The following KCNIP4 variants were observed in gnomAD, a reference collection of about 807,000 sequenced individuals.
KCNIP4 encodes Kv channel-interacting protein 4.
Under a neutral mutation model 34.0 loss-of-function variants are expected in KCNIP4, and 12 were observed. The ratio of observed to expected loss-of-function variants is 0.35; its 90% CI spans 0.23 to 0.57. The LOEUF is 0.57. KCNIP4 is among the 20% of genes least tolerant of loss of function. The pLI, the probability that KCNIP4 is intolerant of heterozygous loss-of-function variation, is 0.83. For synonymous variants in KCNIP4, 124 were observed against 102.2 expected (o/e 1.21, Z -1.29); for missense variants, 238 against 311.7 (o/e 0.76, Z 1.78).
intron 1 of KCNIP4, among the ~76,000 whole-genome samples, chr4:21,725,589 G>A (rs1211631510): frequency 6.6e-6 from 1 of 152,086 alleles, no homozygotes; most frequent in African/African-American, 2.4e-5. Flanking sequence ...ATAAGGCCCT[G>A]TAATCTTTGC....
At chr4:21,267,509 T>C (rs895559385) in intron 1 of KCNIP4, among the ~76,000 whole-genome samples, 12 of 151,470 alleles carry the variant, frequency 7.9e-5, no homozygotes, top group African/African-American at 2.9e-4. Flanking sequence ...TCTTATTATT[T>C]TGAGATACGT....
At chr4:21,182,713 T>C (rs370192309) in intron 1 of KCNIP4, among the ~76,000 whole-genome samples, 1 of 152,052 alleles carries the variant, frequency 6.6e-6, no homozygotes, top group African/African-American at 2.4e-5. Flanking sequence ...ATCTATTCCA[T>C]ATTATCTTCT....
chr4:21,538,903 C>A (rs879917067), intron 1 of KCNIP4, among the ~76,000 whole-genome samples: 6 of 152,156 alleles, frequency 3.9e-5, no homozygotes, highest in Non-Finnish European at 8.8e-5. Flanking sequence ...CAAATCTCAT[C>A]TCAAATTGTA....
At chr4:21,010,939 T>C (rs1450609357) in intron 1 of KCNIP4, among the ~76,000 whole-genome samples, 8 of 152,192 alleles carry the variant, frequency 5.3e-5, no homozygotes, top group Non-Finnish European at 1.5e-5. Flanking sequence ...TTCAAGTGAA[T>C]TTGCGTTGGA....
chr4:21,201,736 A>G (rs1401419918), intron 1 of KCNIP4, among the ~76,000 whole-genome samples: 1 of 152,108 alleles, frequency 6.6e-6, no homozygotes, highest in East Asian at 1.9e-4. Flanking sequence ...CTGACCTCAT[A>G]ATCCACTCAC....
intron 1 of KCNIP4, among the ~76,000 whole-genome samples, chr4:21,472,480 A>T (rs1229722717): frequency 1.3e-5 from 2 of 152,064 alleles, no homozygotes; most frequent in Non-Finnish European, 2.9e-5. Flanking sequence ...TCATTACCTT[A>T]ATCAGTGCAT....
At chr4:21,080,155 G>A (rs189752750) in intron 1 of KCNIP4, among the ~76,000 whole-genome samples, 2 of 151,720 alleles carry the variant, frequency 1.3e-5, no homozygotes, top group South Asian at 2.1e-4. Context: ...GACCCAGCCT[G>A]GCCAGAGATA....
At chr4:21,234,276 TTA>T (rs1553841573) in intron 1 of KCNIP4, among the ~76,000 whole-genome samples, 1 of 83,802 alleles carries the variant, frequency 1.2e-5, no homozygotes, top group Non-Finnish European at 1.9e-5. Flanking sequence ...ATAACATATA[TTA>T]TATATAACAT....
intron 1 of KCNIP4, among the ~76,000 whole-genome samples, chr4:21,011,025 C>T (rs115930300): frequency 0.016 from 2,453 of 152,058 alleles, 24 homozygotes; most frequent in Non-Finnish European, 0.026. Flanking sequence ...CAATGCCTCC[C>T]GATGAAATCA....
intron 1 of KCNIP4, among the ~76,000 whole-genome samples, chr4:20,971,084 G>A (rs1734904378): frequency 6.6e-6 from 1 of 152,188 alleles, no homozygotes; most frequent in Non-Finnish European, 1.5e-5. Context: ...TGAGAGATGT[G>A]TTCTAGAAGG....
chr4:20,825,734 G>A (rs139255777), intron 3 of KCNIP4, among the ~76,000 whole-genome samples: 47 of 152,258 alleles, frequency 3.1e-4, no homozygotes, highest in African/African-American at 9.6e-4. Flanking sequence ...TCATGAACAT[G>A]GGTGTGCTCT....
chr4:21,540,542 G>T (rs185833043), intron 1 of KCNIP4, among the ~76,000 whole-genome samples: 1 of 152,108 alleles, frequency 6.6e-6, no homozygotes, highest in Non-Finnish European at 1.5e-5. Flanking sequence ...CCAATTCAGT[G>T]TTCAAGATGA....
chr4:21,737,043 C>T (rs1375278343), intron 1 of KCNIP4, among the ~76,000 whole-genome samples: 3 of 152,004 alleles, frequency 2.0e-5, no homozygotes, highest in Admixed American at 6.6e-5. Context: ...AAAGTAAGTT[C>T]TAATCATTTC....
At chr4:21,134,091 G>C (rs1751310984) in intron 1 of KCNIP4, among the ~76,000 whole-genome samples, 1 of 152,010 alleles carries the variant, frequency 6.6e-6, no homozygotes, top group South Asian at 2.1e-4. Flanking sequence ...GACTAAATTT[G>C]TTCTGAGGTC....
chr4:20,884,826 G>A (rs538233348), intron 1 of KCNIP4, among the ~76,000 whole-genome samples: 2 of 151,308 alleles, frequency 1.3e-5, no homozygotes, highest in South Asian at 2.1e-4. Context: ...TCAGCCTCAT[G>A]AGTAGCTGGG....
chr4:20,940,303 T>A (rs1040850119), intron 1 of KCNIP4, among the ~76,000 whole-genome samples: 1 of 152,228 alleles, frequency 6.6e-6, no homozygotes, highest in African/African-American at 2.4e-5. Context: ...AACTATTTTG[T>A]ATTTATTTGA....
chr4:21,609,263 A>C (rs978099199), intron 1 of KCNIP4, among the ~76,000 whole-genome samples: 1 of 152,160 alleles, frequency 6.6e-6, no homozygotes, highest in African/African-American at 2.4e-5. Flanking sequence ...TTGTGTATCT[A>C]TTGTATGTAT....
chr4:21,278,530 T>A (rs1421571855), intron 1 of KCNIP4, among the ~76,000 whole-genome samples: 1 of 152,188 alleles, frequency 6.6e-6, no homozygotes, highest in African/African-American at 2.4e-5. Flanking sequence ...TATCTCCTTC[T>A]TTTTTATGGC....
intron 1 of KCNIP4, among the ~76,000 whole-genome samples, chr4:21,183,783 C>T (rs777071587): frequency 6.6e-6 from 1 of 152,060 alleles, no homozygotes; most frequent in Non-Finnish European, 1.5e-5. Context: ...TGCCTTGGAA[C>T]TTGCTGTTCC....
Sources: gnomAD v4.1 joint callset for allele counts (sites outside exome capture counted in the v4.1 genomes callset) on GRCh38, gnomAD v4.1.1 for gene constraint, MANE v1.5 for transcripts, NCBI Gene and HGNC (gene_info 2026-07-23, HGNC 2026-07-21) for gene names.